PAK4: variants seen among roughly 807,000 people sequenced by gnomAD.
The protein encoded by PAK4 is p21 (RAC1) activated kinase 4.
Under a neutral mutation model 53.5 loss-of-function variants are expected in PAK4, and 49 were observed. The observed-to-expected ratio is 0.92, with a 90% CI of 0.73 to 1.16. The LOEUF (loss-of-function observed/expected upper bound fraction) is 1.16. PAK4 is among the 50% of genes most tolerant of loss of function. The pLI, the probability that PAK4 is intolerant of heterozygous loss-of-function variation, is 0.00. For synonymous variants in PAK4, 376 were observed against 375.6 expected (o/e 1.00, Z -0.01); for missense variants, 824 against 850.7 (o/e 0.97, Z 0.39).
chr19:39,145,676 C>CG (rs1314126406), intron 1 of PAK4, among the ~76,000 whole-genome samples: 1 of 152,192 alleles, frequency 6.6e-6, no homozygotes, highest in African/African-American at 2.4e-5. Flanking sequence ...TGTAATGGGG[C>CG]GCTGGTGCCG....
chr19:39,134,671 C>T (rs1233338881), intron 1 of PAK4, among the ~76,000 whole-genome samples: 1 of 151,862 alleles, frequency 6.6e-6, no homozygotes, highest in African/African-American at 2.4e-5. Flanking sequence ...GCAATCTTGG[C>T]TCACTGCAGC....
chr19:39,158,923 G>GTTCA (rs1007846443), intron 1 of PAK4, among the ~76,000 whole-genome samples: 1 of 152,180 alleles, frequency 6.6e-6, no homozygotes, highest in African/African-American at 2.4e-5. Flanking sequence ...TAGTGTGTTT[G>GTTCA]TTCATTCATT....
chr19:39,137,873 A>G lies in PAK4; in HGVS notation c.-23+11954A>G, dbSNP rs190693395. Among the ~76,000 whole-genome samples the G allele has an allele frequency of 1.7e-3, 252 of 152,062 alleles. 1 individual carries two copies. Among genetic ancestry groups the G allele is most frequent in the African/African-American group, 5.5e-3 (230 of 41,460 alleles). ...AATAGAGATGAGGCTTTGCCGTGTT[A>G]GCCAGGATGGTCTCGATCTCCTGAC... On this transcript the variant is annotated intron_variant, in intron 1 of 8. Transcript: ENST00000358301.
chr19:39,143,705 G>A (rs2073951233), intron 1 of PAK4, among the ~76,000 whole-genome samples: 1 of 151,926 alleles, frequency 6.6e-6, no homozygotes, highest in Non-Finnish European at 1.5e-5. Flanking sequence ...GGGAGGCTGA[G>A]GTGGGCAGAT....
In PAK4 at chr19:39,158,146, C is replaced by T. The variant is rs375871324; in HGVS notation, c.-22-11386C>T. Among the ~76,000 whole-genome samples the T allele has an allele frequency of 3.4e-3, 491 of 143,830 alleles. 4 individuals are homozygous for T. The highest frequency in any genetic ancestry group is 0.011 in the African/African-American group (398 of 34,788). The allele number at this position is 143,830 out of a possible 152,430, so 94.4% of individuals were successfully genotyped here. ...GTGCGTGCGTGCATGTGTGAGCGTG[C>T]GTGTGTGCACATGTGTGCATGTTTG... On this transcript the variant is annotated intron_variant, in intron 1 of 8. Transcript: ENST00000358301.
intron 1 of PAK4, among the ~76,000 whole-genome samples, chr19:39,160,166 G>C (rs896645540): frequency 2.1e-4 from 32 of 152,212 alleles, no homozygotes; most frequent in Admixed American, 1.5e-3. Context: ...TTCTCCCCAG[G>C]CGTCAAGGTC....
At chr19:39,151,102 G>A (rs2074087550) in intron 1 of PAK4, among the ~76,000 whole-genome samples, 1 of 152,236 alleles carries the variant, frequency 6.6e-6, no homozygotes, top group Non-Finnish European at 1.5e-5. Context: ...CGCGACCTCG[G>A]TGAGGAGACG....
exon 8 of PAK4, chr19:39,177,757 C>A (rs2074636568): frequency 6.2e-7 from 1 of 1,613,550 alleles, no homozygotes; most frequent in Non-Finnish European, 8.5e-7. Context: ...CCCCTCAAAG[C>A]CATGAAGATG....
intron 1 of PAK4, among the ~76,000 whole-genome samples, chr19:39,129,588 G>A (rs1013101296): frequency 5.3e-4 from 81 of 152,252 alleles, no homozygotes; most frequent in Middle Eastern, 3.4e-3. Context: ...TCACTGAAAC[G>A]ATTTCCTCGG....
In PAK4 at chr19:39,173,728, C is replaced by A; in HGVS notation, c.816C>A (p.Ala272=). The change falls in exon 4 of 9, where the codon GCC becomes GCA. Residue 272 remains alanine, a synonymous_variant. Coordinates refer to ENST00000358301, the Ensembl canonical transcript of PAK4. This position sits in a 1 kb window ranked among gnomAD's most constrained non-coding sequence, Gnocchi z 6.9. ...CCCACGCCTCAGAGCCCCAGCTGGCCCCTCCAGCCTGCACCCCCGCCGCCC... is the reference window on the plus strand; with the variant it reads ...CCCACGCCTCAGAGCCCCAGCTGGCACCTCCAGCCTGCACCCCCGCCGCCC... 6.3e-7 allele frequency: 1 copy of A among 1,576,522 alleles called. No homozygotes were observed. The highest frequency in any genetic ancestry group is 8.6e-7 in the Non-Finnish European group (1 of 1,163,992).
chr19:39,173,027 C>T lies in PAK4; in HGVS notation c.314C>T (p.Pro105Leu), dbSNP rs779494733. 2.8e-5 allele frequency: 44 copies of T among 1,549,090 alleles called. No homozygotes were observed. The East Asian group carries it at 6.6e-4, about 23-fold the overall frequency. ...TCCAACTCCCTGCGGAGAGACAGCC[C>T]GCCGCCGCCCGCCCGTGCCCGCCAG... The change falls in exon 3 of 9, where the codon CCG becomes CTG. Residue 105 changes from proline to leucine, a missense_variant. Physicochemically the swap from Pro to Leu is moderately conservative, Grantham distance 98. Transcript: ENST00000358301. The surrounding 1 kb of genome is among the most constrained non-coding windows in gnomAD (Gnocchi z 6.9).
rs2074666593 is a variant in PAK4 at position 39,178,951 on chromosome 19, TGA to T, written c.*374_*375del. The stretch of plus-strand genomic sequence containing the variant: ...ACATGTATGAGTGTGTGCACGCGTG[TGA>T]GTGTGCATGTGTGTGTGTGCAAAGG... On this transcript the variant is annotated 3_prime_UTR_variant, in exon 9 of 9. Transcript: ENST00000358301. This position sits in a 1 kb window ranked among gnomAD's most constrained non-coding sequence, Gnocchi z 4.4. The T allele has an allele frequency of 5.9e-6, 1 of 170,004 alleles. No individual in the cohort carries two copies. Among genetic ancestry groups the T allele is most frequent in the African/African-American group, 3.0e-5 (1 of 33,556 alleles). The allele number at this position is 170,004 out of a possible 1,614,324, so 10.5% of individuals were successfully genotyped here. A position where few individuals can be genotyped will look rare whatever the true frequency, so the allele number is the denominator to read the frequency against.
At position 39,161,835 on chromosome 19, in the gene PAK4, C is replaced by T. The variant is rs1013326472; in HGVS notation, c.-22-7697C>T. Among the ~76,000 whole-genome samples, 6 of 152,092 alleles carry T rather than the reference C, an allele frequency of 3.9e-5. No individual in the cohort carries two copies. Among genetic ancestry groups the T allele is most frequent in the Non-Finnish European group, 8.8e-5 (6 of 68,024 alleles). ...CAAATTCCTACCGCCCTGGCTGTTCCTTCCTCCTGGGCTGCCCTTCCTCCA... is the reference window on the plus strand; with the variant it reads ...CAAATTCCTACCGCCCTGGCTGTTCTTTCCTCCTGGGCTGCCCTTCCTCCA... On this transcript the variant is annotated intron_variant, in intron 1 of 8. Transcript: ENST00000358301. The surrounding 1 kb of genome is among the most constrained non-coding windows in gnomAD (Gnocchi z 4.5).
In PAK4 at chr19:39,161,271, A is replaced by G. The variant is rs1408275540; in HGVS notation, c.-22-8261A>G. Among the ~76,000 whole-genome samples the G allele has an allele frequency of 6.6e-6, 1 of 152,218 alleles. No homozygotes were observed. Among genetic ancestry groups the G allele is most frequent in the Non-Finnish European group, 1.5e-5 (1 of 68,026 alleles). ...CACTGACTTAGCGAGGAAGATGGCC[A>G]CAGACAGGCAAACAACTGTAATGTG... On this transcript the variant is annotated intron_variant, in intron 1 of 8. Transcript: ENST00000358301. This position sits in a 1 kb window ranked among gnomAD's most constrained non-coding sequence, Gnocchi z 4.5.
At position 39,178,508 on chromosome 19, in the gene PAK4, C is replaced by T; in HGVS notation, c.1705C>T (p.His569Tyr). 1 of 1,612,336 alleles carries T rather than the reference C, an allele frequency of 6.2e-7. No homozygotes were observed. Among genetic ancestry groups the T allele is most frequent in the Non-Finnish European group, 8.5e-7 (1 of 1,179,708 alleles). The change falls in exon 9 of 9, where the codon CAC becomes TAC. Residue 569 changes from histidine to tyrosine, a missense_variant. Coordinates refer to ENST00000358301, the Ensembl canonical transcript of PAK4. The surrounding 1 kb of genome is among the most constrained non-coding windows in gnomAD (Gnocchi z 4.4). ...GGCCACGGCAGCCGAGCTGCTGAAG[C>T]ACCCATTCCTGGCCAAGGCAGGGCC...
chr19:39,154,686 C>G (rs1043674474), intron 1 of PAK4, among the ~76,000 whole-genome samples: 1 of 152,206 alleles, frequency 6.6e-6, no homozygotes, highest in African/African-American at 2.4e-5. Context: ...TTTCCTGTGG[C>G]TGTCCAGAGC....
rs2074649234 is a variant in PAK4, at chr19:39,178,266, C to T, written c.1621-158C>T. Among the ~76,000 whole-genome samples the T allele has an allele frequency of 6.6e-6, 1 of 152,074 alleles. No individual in the cohort carries two copies. The highest frequency in any genetic ancestry group is 1.5e-5 in the Non-Finnish European group (1 of 68,000). ...CACAGGTGCCATCACTGTCCCTGTC[C>T]CGTCTACACCCCAAGATCTAGACAC... is the stretch of plus-strand genomic sequence containing the variant. On this transcript the variant is annotated intron_variant, in intron 8 of 8. Coordinates refer to ENST00000358301, the Ensembl canonical transcript of PAK4. This position sits in a 1 kb window ranked among gnomAD's most constrained non-coding sequence, Gnocchi z 4.4.
chr19:39,141,001 A>G (rs1777015607), intron 1 of PAK4, among the ~76,000 whole-genome samples: 1 of 152,196 alleles, frequency 6.6e-6, no homozygotes, highest in South Asian at 2.1e-4. Flanking sequence ...TGGATTTAGT[A>G]GTTAGGATTC....
At chr19:39,126,949 C>T (rs376428201) in intron 1 of PAK4, among the ~76,000 whole-genome samples, 3 of 152,122 alleles carry the variant, frequency 2.0e-5, no homozygotes, top group Non-Finnish European at 2.9e-5. Flanking sequence ...TGCCCCTGGT[C>T]GCCACATTGT....
Sources: gnomAD v4.1 joint callset for allele counts (sites outside exome capture counted in the v4.1 genomes callset) on GRCh38, gnomAD v4.1.1 for gene constraint, Gnocchi (gnomAD v3.1) non-coding constraint, MANE v1.5 for transcripts, NCBI Gene and HGNC (gene_info 2026-07-23, HGNC 2026-07-21) for gene names.